Variants in STMN4 observed in about 807,000 individuals in gnomAD.
STMN4 encodes the protein stathmin-4.
In STMN4, 12 loss-of-function variants were observed where a neutral mutation model predicts 29.1. That is an observed-to-expected ratio of 0.41 (90% CI 0.26 to 0.67). The LOEUF (loss-of-function observed/expected upper bound fraction) is 0.67, where lower values mean the gene tolerates loss of function less well. Ranked by LOEUF, STMN4 falls within the 30% of genes least tolerant of loss-of-function variation. The probability of loss-of-function intolerance (pLI) is 0.30; values close to 1 mark genes in which losing one functional copy is unlikely to be tolerated. For synonymous variants in STMN4, 114 were observed against 105.3 expected, an observed-to-expected ratio of 1.08 and a Z score of -0.51; for missense variants, 181 against 262.8, an observed-to-expected ratio of 0.69 and a Z score of 2.15.
chr8:27,246,770 C>T (rs1801635363), intron 1 of STMN4, among the ~76,000 whole-genome samples: 1 of 152,154 alleles, frequency 6.6e-6, no homozygotes, highest in African/African-American at 2.4e-5. Flanking sequence ...AGATCCTCCC[C>T]TGGAGTCTTC....
intron 1 of STMN4, among the ~76,000 whole-genome samples, chr8:27,254,392 A>T (rs894577770): frequency 6.6e-6 from 1 of 152,042 alleles, no homozygotes; most frequent in Admixed American, 6.6e-5. Context: ...TTGTTATCCA[A>T]ACTCTCGAGT....
chr8:27,241,830 T>C (rs1427205877), intron 3 of STMN4, 73 bp from the exon 4 acceptor site: 3 of 1,571,568 alleles, frequency 1.9e-6, no homozygotes, highest in Non-Finnish European at 2.6e-6. Context: ...CAAACCCATC[T>C]CTGCTTCTAA....
At chr8:27,247,696 G>T (rs1586014712) in intron 1 of STMN4, among the ~76,000 whole-genome samples, 1 of 152,346 alleles carries the variant, frequency 6.6e-6, no homozygotes, top group Admixed American at 6.5e-5. Context: ...GACAGTAAAG[G>T]TGTTATGCCC....
At chr8:27,241,996 A>G in intron 3 of STMN4, 1 of 592,294 alleles carries the variant, frequency 1.7e-6, no homozygotes, top group Non-Finnish European at 3.0e-6. Context: ...ACTCTCCCAG[A>G]GCATTCTCTA....
chr8:27,237,044 G>A (rs954253406), intron 6 of STMN4, 139 bp from the exon 7 acceptor site: 9 of 861,894 alleles, frequency 1.0e-5, no homozygotes, highest in Non-Finnish European at 1.5e-5. Context: ...GGCATCCCGA[G>A]AGGGGCAGAA....
chr8:27,241,872 G>A (rs1801485741), intron 3 of STMN4, 115 bp from the exon 4 acceptor site: 1 of 1,282,198 alleles, frequency 7.8e-7, no homozygotes, highest in East Asian at 2.3e-5. Flanking sequence ...TGGTCCCCGA[G>A]CACCCCTGGT....
chr8:27,243,859 A>G (rs1801549184), intron 1 of STMN4, 58 bp from the exon 2 acceptor site: 1 of 1,500,232 alleles, frequency 6.7e-7, no homozygotes. Flanking sequence ...TTATTCTCAT[A>G]AGAAAGGTCT....
At chr8:27,242,682 G>A (rs1417360205) in intron 2 of STMN4, among the ~76,000 whole-genome samples, 190 bp from the exon 3 acceptor site, 4 of 152,120 alleles carry the variant, frequency 2.6e-5, no homozygotes, top group Admixed American at 6.5e-5. Context: ...TGTGGGATTC[G>A]AACCCACTCC....
At position 27,236,737 on chromosome 8, in the gene STMN4, C is replaced by CA; in HGVS notation, c.*108_*109insT. On this transcript the variant is annotated 3_prime_UTR_variant, in exon 7 of 7. Coordinates refer to ENST00000350889, the MANE Select transcript of STMN4 (RefSeq NM_030795.4). ...GAGGAAACGCCCCTTGGCCACCCCC[C>CA]TCCCCCCAAACCCCAGTGCTGGGAG... 19 of 1,026,806 alleles carry CA rather than the reference C, an allele frequency of 1.9e-5. No individual in the cohort carries two copies. The highest frequency in any genetic ancestry group is 2.0e-5 in the Non-Finnish European group (15 of 737,880). 63.6% of individuals were successfully genotyped at this position (1,026,806 alleles called of 1,614,324 possible).
chr8:27,251,285 C>T (rs1586018847), intron 1 of STMN4, among the ~76,000 whole-genome samples: 3 of 110,856 alleles, frequency 2.7e-5, no homozygotes, highest in East Asian at 2.4e-4. Context: ...CACGTATATA[C>T]GTATATATAT....
At chr8:27,244,241 TG>T (rs1276891623) in intron 1 of STMN4, among the ~76,000 whole-genome samples, 3 of 152,186 alleles carry the variant, frequency 2.0e-5, no homozygotes, top group Non-Finnish European at 4.4e-5. Flanking sequence ...CAGAAGTCTT[TG>T]GGCCAATTCT....
chr8:27,247,292 G>T (rs906541898), intron 1 of STMN4, among the ~76,000 whole-genome samples: 10 of 148,920 alleles, frequency 6.7e-5, no homozygotes, highest in African/African-American at 2.5e-4. Context: ...ATTTACTTGT[G>T]CCTGTGGGTC....
rs561380699 is a variant in STMN4, at chr8:27,239,564, C to A, written c.591+407G>T. 8.4e-6 allele frequency: 7 copies of A among 835,370 alleles called. No homozygotes were observed. In the South Asian group the frequency reaches 1.4e-4, roughly 16 times the overall value. The allele number at this position is 835,370 out of a possible 1,614,324, so 51.7% of individuals were successfully genotyped here. On this transcript the variant is annotated intron_variant, in intron 6 of 6. Coordinates refer to ENST00000350889, the MANE Select transcript of STMN4 (RefSeq NM_030795.4). The stretch of plus-strand genomic sequence containing the variant: ...CAGTGGGAATCTCAGCTCATCATAC[C>A]CGTGACTTAGAGCCAAGAGCTCAAG...
At chr8:27,256,574 C>G (rs922228147) in intron 1 of STMN4, among the ~76,000 whole-genome samples, 1 of 152,060 alleles carries the variant, frequency 6.6e-6, no homozygotes. Flanking sequence ...TATATGATTA[C>G]AGATACAGAC....
chr8:27,257,360 C>T (rs964407066), intron 1 of STMN4, among the ~76,000 whole-genome samples: 1 of 151,438 alleles, frequency 6.6e-6, no homozygotes, highest in Non-Finnish European at 1.5e-5. Flanking sequence ...GCCATCCCAC[C>T]TTGTATTCTC....
At chr8:27,241,644 G>A in intron 4 of STMN4, 33 bp downstream of exon 4, 1 of 1,613,162 alleles carries the variant, frequency 6.2e-7, no homozygotes, top group East Asian at 2.2e-5. Context: ...CTGACGCTCG[G>A]CCTGCGGAAT....
chr8:27,242,378 T>G lies in STMN4; in HGVS notation c.109+19A>C. Reference sequence around the variant, plus strand: ...AGGGCCCCCCCGCCCCTCACTTTCCTGGCTGAGCCTTCACTGACCTTCATA... The same window carrying G: ...AGGGCCCCCCCGCCCCTCACTTTCCGGGCTGAGCCTTCACTGACCTTCATA... On this transcript the variant is annotated intron_variant, in intron 3 of 6. Coordinates refer to ENST00000350889, the MANE Select transcript of STMN4 (RefSeq NM_030795.4). The G allele has an allele frequency of 6.2e-7, 1 of 1,613,926 alleles. No homozygotes were observed. Among genetic ancestry groups the G allele is most frequent in the Non-Finnish European group, 8.5e-7 (1 of 1,179,844 alleles).
chr8:27,253,332 T>C (rs1475126502), intron 1 of STMN4, among the ~76,000 whole-genome samples: 1 of 152,262 alleles, frequency 6.6e-6, no homozygotes, highest in Non-Finnish European at 1.5e-5. Flanking sequence ...TAAAATCTTT[T>C]ATGTCTATAT....
chr8:27,248,906 C>T (rs940283942), intron 1 of STMN4, among the ~76,000 whole-genome samples: 1 of 152,210 alleles, frequency 6.6e-6, no homozygotes, highest in Non-Finnish European at 1.5e-5. Flanking sequence ...GTTGGACCTG[C>T]TGGATTGAGT....
Sources: gnomAD v4.1 joint callset for allele counts (sites outside exome capture counted in the v4.1 genomes callset) on GRCh38, gnomAD v4.1.1 for gene constraint, MANE v1.5 for transcripts, NCBI Gene and HGNC (gene_info 2026-07-23, HGNC 2026-07-21) for gene names.